Variants in CORO2A observed in about 807,000 individuals in gnomAD.
CORO2A encodes the protein coronin-2A.
CORO2A carries 47 observed loss-of-function variants against 62.4 expected under a neutral mutation model. The observed-to-expected ratio is 0.75, with a 90% CI of 0.60 to 0.96. CORO2A has a LOEUF of 0.96. Among genes scored for constraint, CORO2A ranks in the 40% least tolerant of loss-of-function variants. The pLI is 0.00. For synonymous variants in CORO2A, 273 were observed against 268.9 expected (o/e 1.02, Z -0.15); for missense variants, 610 against 684.1 (o/e 0.89, Z 1.21).
Position 98,132,312 on chromosome 9 carries a change from A to G in CORO2A, c.649-11T>C. 5 of 1,609,868 alleles carry G rather than the reference A, an allele frequency of 3.1e-6. No homozygotes were observed. Among genetic ancestry groups the G allele is most frequent in the Non-Finnish European group, 4.2e-6 (5 of 1,176,482 alleles). On this transcript the variant is annotated splice_polypyrimidine_tract_variant and intron_variant, in intron 5 of 11. Transcript: ENST00000375077. ...TTTGTAGCTGGCCTCCTGGAGGGACACGTGCGGTCGGTATTGGAGAGACAG... is the reference window on the plus strand; with the variant it reads ...TTTGTAGCTGGCCTCCTGGAGGGACGCGTGCGGTCGGTATTGGAGAGACAG...
intron 1 of CORO2A, among the ~76,000 whole-genome samples, chr9:98,166,891 T>C (rs527284223): frequency 4.2e-4 from 64 of 151,894 alleles, no homozygotes; most frequent in Non-Finnish European, 7.6e-4. Flanking sequence ...GCTTGGGTTC[T>C]GGAGTTCAAG....
chr9:98,181,333 G>GTTTT (rs1828174361), intron 1 of CORO2A, among the ~76,000 whole-genome samples: 4 of 122,136 alleles, frequency 3.3e-5, no homozygotes, highest in African/African-American at 1.4e-4. Flanking sequence ...TCTCTCTCTT[G>GTTTT]CTTTTTTTTT....
chr9:98,145,959 C>A (rs970793411), intron 2 of CORO2A, among the ~76,000 whole-genome samples: 5 of 152,166 alleles, frequency 3.3e-5, no homozygotes, highest in African/African-American at 9.7e-5. Flanking sequence ...TGATCTCCTG[C>A]CTTGGCCTCC....
intron 1 of CORO2A, among the ~76,000 whole-genome samples, chr9:98,187,050 G>C (rs1049395087): frequency 2.6e-5 from 4 of 151,920 alleles, no homozygotes; most frequent in African/African-American, 4.8e-5. Context: ...GAGGCTGAGG[G>C]GGGCAGATCA....
chr9:98,133,065 A>G lies in CORO2A; in HGVS notation c.621T>C (p.Ile207=), dbSNP rs773362270. 1.2e-6 allele frequency: 2 copies of G among 1,614,242 alleles called. No individual in the cohort carries two copies. The highest frequency in any genetic ancestry group is 1.7e-6 in the Non-Finnish European group (2 of 1,180,038). The stretch of plus-strand genomic sequence containing the variant: ...GGAGGACGGTCCCTGCTCGGGGGTC[A>G]ATAACCCGAATCTTGCGGTCTTTGC... ...TTCKDRKIRV[I]DPRAGTVLQE... is the part of the protein sequence containing the mutation. The change falls in exon 5 of 12, where the codon ATT becomes ATC. Residue 207 remains isoleucine (I), a synonymous_variant. Transcript: ENST00000375077.
intron 2 of CORO2A, among the ~76,000 whole-genome samples, chr9:98,144,472 C>T (rs900441522): frequency 1.3e-5 from 2 of 152,164 alleles, no homozygotes; most frequent in Non-Finnish European, 2.9e-5. Flanking sequence ...ATCATACAGG[C>T]CTTTCACTGA....
chr9:98,186,864 C>T (rs1200009625), intron 1 of CORO2A, among the ~76,000 whole-genome samples: 1 of 152,186 alleles, frequency 6.6e-6, no homozygotes, highest in Non-Finnish European at 1.5e-5. Flanking sequence ...ACCCCAACCT[C>T]TCCCCTAGCA....
intron 1 of CORO2A, among the ~76,000 whole-genome samples, chr9:98,189,957 T>C (rs567033265): frequency 6.6e-6 from 1 of 152,180 alleles, no homozygotes; most frequent in South Asian, 2.1e-4. Flanking sequence ...CAATCTCGGC[T>C]CACTGCCACC....
chr9:98,132,592 C>T (rs1182509851), intron 5 of CORO2A, among the ~76,000 whole-genome samples: 3 of 152,212 alleles, frequency 2.0e-5, no homozygotes, highest in East Asian at 3.8e-4. Flanking sequence ...CCTACAGGGG[C>T]GGGCACTGTC....
At chr9:98,187,998 G>A (rs1449337762) in intron 1 of CORO2A, among the ~76,000 whole-genome samples, 2 of 152,122 alleles carry the variant, frequency 1.3e-5, no homozygotes, top group Non-Finnish European at 2.9e-5. Context: ...TCATACACTC[G>A]CAGGATTCCA....
intron 5 of CORO2A, 27 bp downstream of exon 5, chr9:98,133,011 T>C: frequency 1.9e-6 from 3 of 1,612,872 alleles, no homozygotes; most frequent in Non-Finnish European, 2.5e-6. Flanking sequence ...CCTCTGAGCC[T>C]GAGCCAGCCC....
intron 3 of CORO2A, among the ~76,000 whole-genome samples, chr9:98,135,833 G>A (rs953255827): frequency 3.9e-5 from 6 of 152,108 alleles, no homozygotes; most frequent in East Asian, 1.9e-4. Flanking sequence ...CCAACCCCAC[G>A]AGAGTAGTGA....
At chr9:98,174,086 AAC>A (rs1389222769) in intron 1 of CORO2A, among the ~76,000 whole-genome samples, 15 of 152,054 alleles carry the variant, frequency 9.9e-5, no homozygotes, top group African/African-American at 3.6e-4. Flanking sequence ...CAGCCTGGGC[AAC>A]GAGAGTGAAG....
chr9:98,123,084 C>T lies in CORO2A; in HGVS notation c.*1690G>A, dbSNP rs1013586320. 6.6e-6 allele frequency: 1 copy of T among 152,246 alleles called. No homozygotes were observed. Among genetic ancestry groups the T allele is most frequent in the Admixed American group, 6.6e-5 (1 of 15,258 alleles). The allele number at this position is 152,246 out of a possible 1,614,324, so 9.4% of individuals were successfully genotyped here. A position where few individuals can be genotyped will look rare whatever the true frequency, so the allele number is the denominator to read the frequency against. On this transcript the variant is annotated 3_prime_UTR_variant, in exon 12 of 12. Transcript: ENST00000375077. ...AGAGAGCAGCTTGTTCCAGGGTACC[C>T]CTGGTTCAGATGAAGAAACTGAGAC...
At chr9:98,169,703 T>G (rs1347781037) in intron 1 of CORO2A, among the ~76,000 whole-genome samples, 1 of 152,184 alleles carries the variant, frequency 6.6e-6, no homozygotes, top group Non-Finnish European at 1.5e-5. Context: ...CAAAGCATCG[T>G]GCTTTTCAAA....
intron 1 of CORO2A, among the ~76,000 whole-genome samples, chr9:98,174,761 G>C (rs1202246559): frequency 6.6e-6 from 1 of 152,114 alleles, no homozygotes; most frequent in Non-Finnish European, 1.5e-5. Flanking sequence ...ATGATTGTAA[G>C]TTTCCTGAGG....
chr9:98,134,731 A>G, intron 4 of CORO2A, 75 bp downstream of exon 4: 1 of 1,451,532 alleles, frequency 6.9e-7, no homozygotes, highest in Admixed American at 2.3e-5. Flanking sequence ...GAACTGTGAC[A>G]GAATACATTT....
chr9:98,127,912 A>C (rs1827349643), intron 10 of CORO2A, among the ~76,000 whole-genome samples: 2 of 151,656 alleles, frequency 1.3e-5, no homozygotes, highest in Admixed American at 6.6e-5. Context: ...GGCACCCCAC[A>C]TAGCCCCAGA....
At chr9:98,134,770 T>C (rs1322432380) in intron 4 of CORO2A, 36 bp downstream of exon 4, 3 of 1,565,726 alleles carry the variant, frequency 1.9e-6, no homozygotes, top group African/African-American at 2.7e-5. Flanking sequence ...TGGGAACTTG[T>C]TGGGGCTGCC....
Sources: allele counts gnomAD v4.1 joint callset (sites outside exome capture counted in the v4.1 genomes callset), GRCh38; gene constraint gnomAD v4.1.1; transcripts MANE v1.5; gene names NCBI Gene and HGNC (gene_info 2026-07-23, HGNC 2026-07-21).